Variants in PPP2CA observed in about 807,000 individuals in gnomAD.
PPP2CA encodes the protein serine/threonine-protein phosphatase 2A catalytic subunit alpha isoform.
PPP2CA carries 5 observed loss-of-function variants against 38.8 expected under a neutral mutation model. The observed-to-expected ratio is 0.13, with a 90% CI of 0.07 to 0.27. The LOEUF (loss-of-function observed/expected upper bound fraction) is 0.27, where lower values mean the gene tolerates loss of function less well. Ranked by LOEUF, PPP2CA falls within the 10% of genes least tolerant of loss-of-function variation. The pLI, the probability that PPP2CA is intolerant of heterozygous loss-of-function variation, is 1.00. For missense variants in PPP2CA, 88 were observed against 389.7 expected (o/e 0.23, Z 6.52); for synonymous variants, 152 against 134.0 (o/e 1.13, Z -0.93).
Position 134,196,661 on chromosome 5 carries a change from A to G in PPP2CA, c.*1111T>C, listed in dbSNP as rs1761858396. ...GTCAATCATTTTAAAGAGTCCATAT[A>G]ATATACACATAGCAATATAATATTC... On this transcript the variant is annotated 3_prime_UTR_variant, in exon 7 of 7. Transcript: ENST00000481195. 6.6e-6 allele frequency: 1 copy of G among 152,260 alleles called. No individual in the cohort carries two copies. Among genetic ancestry groups the G allele is most frequent in the Non-Finnish European group, 1.5e-5 (1 of 68,044 alleles). 9.4% of individuals were successfully genotyped at this position (152,260 alleles called of 1,614,324 possible).
At chr5:134,215,795 G>C (rs1291576670) in intron 1 of PPP2CA, among the ~76,000 whole-genome samples, 1 of 152,100 alleles carries the variant, frequency 6.6e-6, no homozygotes, top group East Asian at 1.9e-4. Context: ...CTCCTAAGCA[G>C]ACTCTCACTC....
chr5:134,212,541 G>A (rs1419210115), intron 1 of PPP2CA, among the ~76,000 whole-genome samples: 3 of 152,014 alleles, frequency 2.0e-5, no homozygotes, highest in Admixed American at 1.3e-4. Flanking sequence ...ATTGAAATTA[G>A]GCCAATTAAT....
intron 1 of PPP2CA, among the ~76,000 whole-genome samples, chr5:134,213,598 C>T (rs1269393984): frequency 1.3e-5 from 2 of 151,862 alleles, no homozygotes; most frequent in South Asian, 4.2e-4. Context: ...TCAGCCTGGG[C>T]AATGTGGCGA....
At chr5:134,206,274 A>G (rs2149384654) in intron 1 of PPP2CA, 143 bp from the exon 2 acceptor site, 1 of 691,188 alleles carries the variant, frequency 1.4e-6, no homozygotes, top group Middle Eastern at 2.8e-4. Context: ...CATTAAAATA[A>G]GTGAGATATG....
chr5:134,215,575 AAAAAATAAAAAT>A (rs150330825), intron 1 of PPP2CA, among the ~76,000 whole-genome samples: 10 of 149,372 alleles, frequency 6.7e-5, no homozygotes, highest in East Asian at 4.0e-4. Flanking sequence ...ACTCCATCTC[AAAAAATAAAAAT>A]AAAAATAAAA....
chr5:134,200,917 A>T, intron 4 of PPP2CA, 68 bp downstream of exon 4: 1 of 1,248,746 alleles, frequency 8.0e-7, no homozygotes, highest in Middle Eastern at 1.9e-4. Context: ...CATCTAATGA[A>T]CTTACAATTA....
rs894422019 is a variant in PPP2CA, at chr5:134,195,307, G to A, written c.*2465C>T. 1 of 152,292 alleles carries A rather than the reference G, an allele frequency of 6.6e-6. No individual in the cohort carries two copies. Among genetic ancestry groups the A allele is most frequent in the South Asian group, 2.1e-4 (1 of 4,824 alleles). The allele number at this position is 152,292 out of a possible 1,614,324, so 9.4% of individuals were successfully genotyped here. The stretch of plus-strand genomic sequence containing the variant: ...GCTCTGTCACCCAGACTGGAGTACA[G>A]TGGCACAATCTCAGCCCACTGCAAC... On this transcript the variant is annotated 3_prime_UTR_variant, in exon 7 of 7. Coordinates refer to ENST00000481195, the MANE Select transcript of PPP2CA (RefSeq NM_002715.4).
At chr5:134,212,574 G>A (rs973678952) in intron 1 of PPP2CA, among the ~76,000 whole-genome samples, 2 of 152,094 alleles carry the variant, frequency 1.3e-5, no homozygotes, top group Non-Finnish European at 2.9e-5. Context: ...GCCTCCAAAT[G>A]CTCAAGTGAA....
At position 134,196,962 on chromosome 5, in the gene PPP2CA, G is replaced by T. The variant is rs769903010; in HGVS notation, c.*810C>A. On this transcript the variant is annotated 3_prime_UTR_variant, in exon 7 of 7. Coordinates refer to ENST00000481195, the MANE Select transcript of PPP2CA (RefSeq NM_002715.4). ...AAGAATGTCAAGGAGTTACCAGAGA[G>T]GTTATGTAGTGCCCTTGATTTTTAT... 1 of 152,634 alleles carries T rather than the reference G, an allele frequency of 6.6e-6. No homozygotes were observed. The highest frequency in any genetic ancestry group is 2.1e-4 in the South Asian group (1 of 4,832). 9.5% of individuals were successfully genotyped at this position (152,634 alleles called of 1,614,324 possible).
At position 134,221,785 on chromosome 5, in the gene PPP2CA, C is replaced by T. The variant is rs1403484288; in HGVS notation, c.102+3975G>A. ...AGGAGTTCGAGACTAGCCTGGCCAA[C>T]ATGGTGAAATCCCATCTCTACTAAA... On this transcript the variant is annotated intron_variant, in intron 1 of 6. Coordinates refer to ENST00000481195, the MANE Select transcript of PPP2CA (RefSeq NM_002715.4). Among the ~76,000 whole-genome samples the T allele has an allele frequency of 2.6e-5, 4 of 151,968 alleles. No homozygotes were observed. In the East Asian group the frequency reaches 7.7e-4, roughly 29 times the overall value.
intron 6 of PPP2CA, among the ~76,000 whole-genome samples, chr5:134,198,234 T>C (rs1266919386): frequency 6.7e-6 from 1 of 150,280 alleles, no homozygotes; most frequent in Non-Finnish European, 1.5e-5. Flanking sequence ...ACTAAAAAAA[T>C]ACAAAAAAAT....
At position 134,205,907 on chromosome 5, in the gene PPP2CA, T is replaced by A. The variant is rs367667209; in HGVS notation, c.312+15A>T. 3 of 1,605,124 alleles carry A rather than the reference T, an allele frequency of 1.9e-6. No individual in the cohort carries two copies. In the African/African-American group the frequency reaches 4.0e-5, roughly 21 times the overall value. ...TTACCCATTTCAACATGCCCCAACA[T>A]AAAATTGAAATTACCTTAAGAGCTA... On this transcript the variant is annotated intron_variant, in intron 2 of 6. Coordinates refer to ENST00000481195, the MANE Select transcript of PPP2CA (RefSeq NM_002715.4).
intron 1 of PPP2CA, chr5:134,225,379 T>TA (rs1473079401): frequency 1.5e-5 from 3 of 201,436 alleles, no homozygotes; most frequent in African/African-American, 7.1e-5. Flanking sequence ...GCAAGACTCT[T>TA]ACTCAGCCCA....
intron 1 of PPP2CA, chr5:134,224,541 A>C (rs1286360312): frequency 6.1e-6 from 2 of 328,884 alleles, no homozygotes; most frequent in Admixed American, 4.6e-5. Flanking sequence ...TCACGGATAC[A>C]AAATGCTAAT....
chr5:134,225,885 G>GCCGCTCCGCGCTGCTC lies in PPP2CA; in HGVS notation c.-40_-25dup, dbSNP rs1762568117. 4 of 1,598,988 alleles carry GCCGCTCCGCGCTGCTC rather than the reference G, an allele frequency of 2.5e-6. No individual in the cohort carries two copies. The East Asian group carries it at 9.0e-5, about 36-fold the overall frequency. On this transcript the variant is annotated 5_prime_UTR_variant, in exon 1 of 7. Transcript: ENST00000481195. ...ATGATGCCACCCGCCCCAGCCGGCT[G>GCCGCTCCGCGCTGCTC]CCGCTCCGCGCTGCTCCCGCGCCGC...
At chr5:134,205,779 T>C in intron 2 of PPP2CA, 143 bp downstream of exon 2, 1 of 688,084 alleles carries the variant, frequency 1.5e-6, no homozygotes, top group Non-Finnish European at 2.4e-6. Flanking sequence ...CTATGATTTT[T>C]AAGTCCAAAA....
chr5:134,194,456 T>G lies in PPP2CA; in HGVS notation c.*3316A>C, dbSNP rs1051569651. 3 of 152,216 alleles carry G rather than the reference T, an allele frequency of 2.0e-5. No individual in the cohort carries two copies. The highest frequency in any genetic ancestry group is 7.2e-5 in the African/African-American group (3 of 41,456). 9.4% of individuals were successfully genotyped at this position (152,216 alleles called of 1,614,324 possible). A position where few individuals can be genotyped will look rare whatever the true frequency, so the allele number is the denominator to read the frequency against. ...TATAGGCCCATTTCTAAGAACACAT[T>G]TATGGTTGGAAGCAAAGGAATATTT... On this transcript the variant is annotated 3_prime_UTR_variant, in exon 7 of 7. Coordinates refer to ENST00000481195, the MANE Select transcript of PPP2CA (RefSeq NM_002715.4).
chr5:134,199,056 G>T, intron 6 of PPP2CA, 30 bp downstream of exon 6: 1 of 1,510,426 alleles, frequency 6.6e-7, no homozygotes, highest in Non-Finnish European at 9.2e-7. Context: ...ATTCAGTAAT[G>T]CAAGAAAATG....
At chr5:134,219,856 A>G (rs1043773319) in intron 1 of PPP2CA, among the ~76,000 whole-genome samples, 2 of 149,590 alleles carry the variant, frequency 1.3e-5, no homozygotes, top group South Asian at 2.1e-4. Context: ...ACTAAAAATA[A>G]AAAAATTAGC....
Sources: allele counts gnomAD v4.1 joint callset (sites outside exome capture counted in the v4.1 genomes callset), GRCh38; gene constraint gnomAD v4.1.1; transcripts MANE v1.5; gene names NCBI Gene and HGNC (gene_info 2026-07-23, HGNC 2026-07-21).